GALNTL6: variants seen among roughly 807,000 people sequenced by gnomAD.
GALNTL6 encodes the protein polypeptide N-acetylgalactosaminyltransferase-like 6.
Under a neutral mutation model 73.7 loss-of-function variants are expected in GALNTL6, and 46 were observed. That is an observed-to-expected ratio of 0.62 (90% CI 0.49 to 0.80). GALNTL6 has a LOEUF of 0.80. Ranked by LOEUF, GALNTL6 falls within the 30% of genes least tolerant of loss-of-function variation. GALNTL6 has a pLI of 0.00. For missense variants in GALNTL6, 604 were observed against 755.0 expected, an observed-to-expected ratio of 0.80 and a Z score of 2.34; for synonymous variants, 259 against 263.7, an observed-to-expected ratio of 0.98 and a Z score of 0.17.
At chr4:172,351,336 A>G (rs1222524798) in intron 5 of GALNTL6, among the ~76,000 whole-genome samples, 1 of 152,140 alleles carries the variant, frequency 6.6e-6, no homozygotes, top group East Asian at 1.9e-4. Context: ...GGACTGCCTT[A>G]ACATTTAAAA....
At chr4:173,012,848 C>A (rs1424820593) in intron 11 of GALNTL6, among the ~76,000 whole-genome samples, 1 of 152,192 alleles carries the variant, frequency 6.6e-6, no homozygotes, top group Non-Finnish European at 1.5e-5. Context: ...CTCAAATGCG[C>A]CCTGCATGGC....
intron 3 of GALNTL6, among the ~76,000 whole-genome samples, chr4:172,260,826 A>G (rs1439523254): frequency 1.3e-5 from 2 of 150,968 alleles, no homozygotes; most frequent in Non-Finnish European, 3.0e-5. Context: ...AAAACTGGAG[A>G]TTTCAAATGT....
intron 2 of GALNTL6, among the ~76,000 whole-genome samples, chr4:172,014,540 A>G (rs1361593119): frequency 6.6e-6 from 1 of 151,706 alleles, no homozygotes; most frequent in East Asian, 1.9e-4. Context: ...TTGTTGTTCC[A>G]ATTTAATTTA....
intron 3 of GALNTL6, among the ~76,000 whole-genome samples, chr4:172,299,593 A>G (rs1051616709): frequency 1.3e-5 from 2 of 152,218 alleles, no homozygotes; most frequent in African/African-American, 2.4e-5. Context: ...GTTTCAAAGA[A>G]CATCTTTATT....
At chr4:172,869,253 A>G (rs1048649534) in intron 7 of GALNTL6, among the ~76,000 whole-genome samples, 13 of 152,256 alleles carry the variant, frequency 8.5e-5, no homozygotes, top group African/African-American at 2.9e-4. Flanking sequence ...CAAGCTTAAA[A>G]TGATGAATAT....
intron 3 of GALNTL6, among the ~76,000 whole-genome samples, chr4:172,236,484 C>T (rs1006384445): frequency 5.4e-5 from 8 of 149,438 alleles, no homozygotes; most frequent in South Asian, 4.2e-4. Flanking sequence ...GGCATGAACC[C>T]GGGAGGCAGG....
chr4:171,988,601 A>G (rs993943969), intron 2 of GALNTL6, among the ~76,000 whole-genome samples: 1 of 152,162 alleles, frequency 6.6e-6, no homozygotes, highest in African/African-American at 2.4e-5. Context: ...GGATAGGCAA[A>G]ACAATTCGGT....
intron 2 of GALNTL6, among the ~76,000 whole-genome samples, chr4:172,132,731 G>C (rs1236620905): frequency 6.6e-6 from 1 of 152,002 alleles, no homozygotes; most frequent in East Asian, 1.9e-4. Flanking sequence ...GTGTTTTTAT[G>C]AATGCAGTGT....
intron 2 of GALNTL6, among the ~76,000 whole-genome samples, chr4:172,186,735 C>T (rs1735427104): frequency 6.6e-6 from 1 of 152,024 alleles, no homozygotes; most frequent in Non-Finnish European, 1.5e-5. Context: ...GGTAGATCCA[C>T]AGACACAGAA....
intron 5 of GALNTL6, among the ~76,000 whole-genome samples, chr4:172,356,085 T>C (rs1201199536): frequency 1.3e-5 from 2 of 152,164 alleles, no homozygotes; most frequent in Non-Finnish European, 2.9e-5. Flanking sequence ...GGGTTTGGCA[T>C]AGAAGGAGAC....
chr4:172,451,583 G>A (rs1436885646), intron 5 of GALNTL6, among the ~76,000 whole-genome samples: 1 of 152,180 alleles, frequency 6.6e-6, no homozygotes, highest in Non-Finnish European at 1.5e-5. Context: ...AGCTTATACA[G>A]ATGCAAGATG....
At chr4:172,650,111 A>G (rs1740409340) in intron 5 of GALNTL6, among the ~76,000 whole-genome samples, 1 of 152,192 alleles carries the variant, frequency 6.6e-6, no homozygotes, top group African/African-American at 2.4e-5. Flanking sequence ...TGGTATAGAA[A>G]GAGGCCCAAT....
At chr4:172,580,523 T>C (rs1011986708) in intron 5 of GALNTL6, among the ~76,000 whole-genome samples, 7 of 152,184 alleles carry the variant, frequency 4.6e-5, no homozygotes, top group Non-Finnish European at 1.0e-4. Context: ...TTATATTCTT[T>C]TCTTTTCTGT....
In GALNTL6 at chr4:172,118,126, A is replaced by G. The variant is rs892906357; in HGVS notation, c.139-111530A>G. Among the ~76,000 whole-genome samples, 39 of 152,050 alleles carry G rather than the reference A, an allele frequency of 2.6e-4. 2 individuals are homozygous for G. The highest frequency in any genetic ancestry group is 2.6e-3 in the Admixed American group (39 of 15,272). ...AGTGATTGAGATGTGGAGAGTAGACAGCGGTATAGGTGGTAGATGAATGAA... is the reference window on the plus strand; with the variant it reads ...AGTGATTGAGATGTGGAGAGTAGACGGCGGTATAGGTGGTAGATGAATGAA... On this transcript the variant is annotated intron_variant, in intron 2 of 12. Coordinates refer to ENST00000506823, the MANE Select transcript of GALNTL6 (RefSeq NM_001034845.3).
At chr4:171,873,627 T>C (rs1736194817) in intron 2 of GALNTL6, among the ~76,000 whole-genome samples, 1 of 152,222 alleles carries the variant, frequency 6.6e-6, no homozygotes, top group African/African-American at 2.4e-5. Flanking sequence ...TTAGTGTCTA[T>C]AAAAACTTTA....
chr4:172,261,387 G>T (rs968967672), intron 3 of GALNTL6, among the ~76,000 whole-genome samples: 1 of 151,424 alleles, frequency 6.6e-6, no homozygotes, highest in African/African-American at 2.4e-5. Context: ...TCTAGTTTGT[G>T]CATGTAAAGG....
At chr4:171,851,158 C>T (rs549474787) in intron 2 of GALNTL6, among the ~76,000 whole-genome samples, 4 of 152,032 alleles carry the variant, frequency 2.6e-5, no homozygotes, top group Non-Finnish European at 5.9e-5. Context: ...CTCTTTGATC[C>T]TCAAAGTAAT....
intron 2 of GALNTL6, among the ~76,000 whole-genome samples, chr4:171,895,300 G>C (rs1352297524): frequency 1.3e-5 from 2 of 152,160 alleles, no homozygotes; most frequent in East Asian, 3.9e-4. Context: ...TCATAGATGA[G>C]CAGAATCCCT....
intron 7 of GALNTL6, among the ~76,000 whole-genome samples, chr4:172,868,787 T>C (rs1342106925): frequency 6.6e-6 from 1 of 152,218 alleles, no homozygotes; most frequent in East Asian, 1.9e-4. Flanking sequence ...AAATTGTATA[T>C]AGAAGATTTG....
Sources: gnomAD v4.1 joint callset for allele counts (sites outside exome capture counted in the v4.1 genomes callset) on GRCh38, gnomAD v4.1.1 for gene constraint, MANE v1.5 for transcripts, NCBI Gene and HGNC (gene_info 2026-07-23, HGNC 2026-07-21) for gene names.